Variants in PODN observed in about 807,000 individuals in gnomAD.
PODN encodes the protein podocan.
A neutral mutation model predicts 52.7 loss-of-function variants in PODN; 40 were observed. That is an observed-to-expected ratio of 0.76 (90% CI 0.59 to 0.99). The LOEUF (loss-of-function observed/expected upper bound fraction) is 0.99. Among genes scored for constraint, PODN ranks in the 50% least tolerant of loss-of-function variants. The pLI is 0.00. For missense variants in PODN, 720 were observed against 815.1 expected (o/e 0.88, Z 1.42); for synonymous variants, 396 against 377.9 (o/e 1.05, Z -0.56).
chr1:53,077,811 G>T lies in PODN; in HGVS notation c.854+11G>T. On this transcript the variant is annotated intron_variant, in intron 7 of 10. Coordinates refer to ENST00000312553, the MANE Select transcript of PODN (RefSeq NM_153703.5). ...CAACGAGACCTTCTGGTGAGTCCTTGTCTCACCAGGTCCTTGGCGTGACCA... is the reference window on the plus strand; with the variant it reads ...CAACGAGACCTTCTGGTGAGTCCTTTTCTCACCAGGTCCTTGGCGTGACCA... The T allele has an allele frequency of 1.2e-6, 2 of 1,610,518 alleles. No homozygotes were observed. The highest frequency in any genetic ancestry group is 1.7e-6 in the Non-Finnish European group (2 of 1,178,016).
chr1:53,080,563 C>A (rs1262191411), intron 8 of PODN, 165 bp from the exon 9 acceptor site: 2 of 699,156 alleles, frequency 2.9e-6, no homozygotes, highest in Non-Finnish European at 4.6e-6. Context: ...CCTCTCTGAG[C>A]CTCTATTTCC....
rs765796910 is a variant in PODN, at chr1:53,078,788, C to T, written c.1278C>T (p.Phe426=). Residue 426 remains phenylalanine (F), a synonymous_variant, in exon 8 of 11, where the codon TTC becomes TTT. Transcript: ENST00000312553. ...GCCCGCAGGTGCACCGCGACGCCTT[C>T]CGCAAGCTGCGCCTGCTGCGCTCGC... ...ITSPQVHRDA[F]RKLRLLRSLD... 1.9e-6 allele frequency: 3 copies of T among 1,613,246 alleles called. No individual in the cohort carries two copies. The highest frequency in any genetic ancestry group is 2.5e-6 in the Non-Finnish European group (3 of 1,179,934).
At chr1:53,081,873 CG>C in intron 9 of PODN, 107 bp from the exon 10 acceptor site, 1 of 1,472,816 alleles carries the variant, frequency 6.8e-7, no homozygotes, top group Non-Finnish European at 9.1e-7. Flanking sequence ...CACCACTTTC[CG>C]GGAGGGCCAT....
chr1:53,068,770 G>A (rs544123678), intron 1 of PODN, among the ~76,000 whole-genome samples: 1 of 152,228 alleles, frequency 6.6e-6, no homozygotes, highest in African/African-American at 2.4e-5. Context: ...CAGAAACCAG[G>A]AACCCACCAA....
At chr1:53,079,379 A>T (rs1644250708) in intron 8 of PODN, among the ~76,000 whole-genome samples, 1 of 152,162 alleles carries the variant, frequency 6.6e-6, no homozygotes, top group African/African-American at 2.4e-5. Flanking sequence ...AAGGAAGGTC[A>T]TGGCTGCAGG....
At chr1:53,067,726 G>A (rs1254470863) in intron 1 of PODN, among the ~76,000 whole-genome samples, 1 of 151,996 alleles carries the variant, frequency 6.6e-6, no homozygotes, top group Non-Finnish European at 1.5e-5. Flanking sequence ...AGACCACCCG[G>A]GCAACATAGA....
At chr1:53,079,159 C>T in intron 8 of PODN, 137 bp downstream of exon 8, 1 of 1,192,206 alleles carries the variant, frequency 8.4e-7, no homozygotes, top group South Asian at 1.6e-5. Flanking sequence ...AGGCTGAGCT[C>T]ATTCACCTTC....
chr1:53,064,815 C>T (rs11584649), intron 1 of PODN, among the ~76,000 whole-genome samples: 22,991 of 152,190 alleles, frequency 0.15, 3,449 homozygotes, highest in African/African-American at 0.39. Flanking sequence ...AACAGAGGCT[C>T]GGAGCAGTAA....
At chr1:53,064,929 G>A (rs1008101071) in intron 1 of PODN, among the ~76,000 whole-genome samples, 4 of 152,278 alleles carry the variant, frequency 2.6e-5, no homozygotes, top group South Asian at 2.1e-4. Context: ...GAGCTTCCCC[G>A]CTGTCCAGGG....
rs1335168157 is a variant in PODN, at chr1:53,084,689, GCACACACAT to G, written c.*210_*218del. On this transcript the variant is annotated 3_prime_UTR_variant, in exon 11 of 11. Transcript: ENST00000312553. ...CGGCGTGTCCCACGGCCAGACACATGCACACACATCACACCCTCAAACACCCAGCTCAGC... is the reference window on the plus strand; with the variant it reads ...CGGCGTGTCCCACGGCCAGACACATGCACACCCTCAAACACCCAGCTCAGC... 2 of 152,616 alleles carry G rather than the reference GCACACACAT, an allele frequency of 1.3e-5. No homozygotes were observed. Among genetic ancestry groups the G allele is most frequent in the African/African-American group, 4.8e-5 (2 of 41,352 alleles). 9.5% of individuals were successfully genotyped at this position (152,616 alleles called of 1,614,324 possible).
rs774977944 is a variant in PODN, at chr1:53,077,709, C to A, written c.763C>A (p.Pro255Thr). Residue 255 changes from proline to threonine, a missense_variant, in exon 7 of 11, where the codon CCG (proline) becomes ACG (threonine). Transcript: ENST00000312553. ...LKNNKLEKIP[P>T]GAFSELSSLR... Reference sequence around the variant, plus strand: ...GAACAACAAGCTGGAGAAGATCCCCCCGGGGGCCTTCAGCGAGCTGAGCAG... The same window carrying A: ...GAACAACAAGCTGGAGAAGATCCCCACGGGGGCCTTCAGCGAGCTGAGCAG... The A allele has an allele frequency of 2.5e-6, 4 of 1,613,638 alleles. No individual in the cohort carries two copies. The highest frequency in any genetic ancestry group is 2.2e-5 in the South Asian group (2 of 91,072).
rs745316094 is a variant in PODN at position 53,070,063 on chromosome 1, C to A, written c.208C>A (p.Arg70=). Residue 70 remains arginine, a synonymous_variant, in exon 2 of 11, where the codon CGA becomes AGA. Transcript: ENST00000312553. The part of the protein sequence containing the change: ...GPGPAAVSCP[R]DCACSQEGVV... Reference sequence around the variant, plus strand: ...TGGCCCAGCCGCGGTCAGCTGCCCCCGAGACTGTGCCTGTTCCCAGGAGGG... The same window carrying A: ...TGGCCCAGCCGCGGTCAGCTGCCCCAGAGACTGTGCCTGTTCCCAGGAGGG... 2 of 1,613,076 alleles carry A rather than the reference C, an allele frequency of 1.2e-6. No individual in the cohort carries two copies. Among genetic ancestry groups the A allele is most frequent in the Middle Eastern group, 3.3e-4 (2 of 6,058 alleles).
chr1:53,081,120 T>C (rs539806989), intron 9 of PODN, among the ~76,000 whole-genome samples: 1 of 152,376 alleles, frequency 6.6e-6, no homozygotes, highest in East Asian at 1.9e-4. Flanking sequence ...GAAAGGATGC[T>C]GGACAGCATC....
intron 9 of PODN, 144 bp from the exon 10 acceptor site, chr1:53,081,837 C>A: frequency 7.9e-7 from 1 of 1,267,506 alleles, no homozygotes; most frequent in Non-Finnish European, 1.1e-6. Context: ...ACTGCGCTCT[C>A]AGCCCCTGGC....
At chr1:53,071,479 C>T in intron 2 of PODN, 56 bp from the exon 3 acceptor site, 1 of 1,442,566 alleles carries the variant, frequency 6.9e-7, no homozygotes, top group Non-Finnish European at 9.6e-7. Context: ...GGAATGGAGT[C>T]CAGGGCACAC....
chr1:53,076,016 G>A (rs750615382), intron 5 of PODN, 45 bp downstream of exon 5: 35 of 1,460,030 alleles, frequency 2.4e-5, no homozygotes, highest in Non-Finnish European at 3.1e-5. Flanking sequence ...GGCAAGGGGA[G>A]GGGCTGAGGT....
chr1:53,074,785 GC>G (rs1431309353), intron 4 of PODN, 115 bp downstream of exon 4: 1 of 908,766 alleles, frequency 1.1e-6, no homozygotes, highest in Non-Finnish European at 1.7e-6. Flanking sequence ...GGTCCTTGTT[GC>G]TGCTCAGACA....
At chr1:53,066,421 T>C (rs1644033861) in intron 1 of PODN, among the ~76,000 whole-genome samples, 1 of 152,194 alleles carries the variant, frequency 6.6e-6, no homozygotes, top group Admixed American at 6.5e-5. Flanking sequence ...TAATAAGGTA[T>C]CCTACATTAT....
At chr1:53,074,063 G>A (rs1277431839) in intron 3 of PODN, among the ~76,000 whole-genome samples, 1 of 152,240 alleles carries the variant, frequency 6.6e-6, no homozygotes, top group Non-Finnish European at 1.5e-5. Context: ...TAGATATGTG[G>A]GTGAGGTCCA....
Sources: gnomAD v4.1 joint callset for allele counts (sites outside exome capture counted in the v4.1 genomes callset) on GRCh38, gnomAD v4.1.1 for gene constraint, MANE v1.5 for transcripts, NCBI Gene and HGNC (gene_info 2026-07-23, HGNC 2026-07-21) for gene names.